Variants in ACVR1C observed in about 807,000 individuals in gnomAD.
The protein encoded by ACVR1C is activin A receptor type 1C, also known as activin receptor type-1C.
In ACVR1C, 23 loss-of-function variants were observed where a neutral mutation model predicts 57.9. The ratio of observed to expected loss-of-function variants is 0.40; its 90% CI spans 0.29 to 0.56. The LOEUF (loss-of-function observed/expected upper bound fraction) is 0.56, where lower values mean the gene tolerates loss of function less well. Ranked by LOEUF, ACVR1C falls within the 20% of genes least tolerant of loss-of-function variation. The probability of loss-of-function intolerance (pLI) is 0.50; values close to 1 mark genes in which losing one functional copy is unlikely to be tolerated. For missense variants in ACVR1C, 480 were observed against 607.9 expected (o/e 0.79, Z 2.21); for synonymous variants, 214 against 215.3 (o/e 0.99, Z 0.05).
intron 4 of ACVR1C, among the ~76,000 whole-genome samples, chr2:157,546,098 T>A (rs1440547831): frequency 6.6e-6 from 1 of 152,172 alleles, no homozygotes; most frequent in Non-Finnish European, 1.5e-5. Context: ...TATTATTTTA[T>A]AATCCAATAA....
intron 1 of ACVR1C, among the ~76,000 whole-genome samples, chr2:157,613,831 T>A (rs1354427675): frequency 6.6e-6 from 1 of 152,246 alleles, no homozygotes; most frequent in African/African-American, 2.4e-5. Context: ...TTCATTGTGA[T>A]GTCTTTACCT....
intron 1 of ACVR1C, among the ~76,000 whole-genome samples, chr2:157,605,248 G>T (rs1682366140): frequency 6.6e-6 from 1 of 151,570 alleles, no homozygotes; most frequent in Non-Finnish European, 1.5e-5. Flanking sequence ...TGATCAATGT[G>T]CCTCTCCTTT....
chr2:157,597,131 G>C (rs1242099172), intron 1 of ACVR1C, among the ~76,000 whole-genome samples: 1 of 152,188 alleles, frequency 6.6e-6, no homozygotes, highest in Non-Finnish European at 1.5e-5. Flanking sequence ...AGACGGTCCA[G>C]ACAGCACCCA....
chr2:157,560,947 A>G (rs1036167798), intron 2 of ACVR1C, among the ~76,000 whole-genome samples: 10 of 152,170 alleles, frequency 6.6e-5, no homozygotes, highest in African/African-American at 2.4e-4. Flanking sequence ...CACATTCCCC[A>G]CTATATTAAA....
rs866524803 is a variant in ACVR1C, at chr2:157,572,245, T to C, written c.304+14942A>G. Among the ~76,000 whole-genome samples, 962 of 136,012 alleles carry C rather than the reference T, an allele frequency of 7.1e-3. 14 individuals are homozygous for C. Among genetic ancestry groups the C allele is most frequent in the African/African-American group, 0.025 (915 of 36,224 alleles). 89.2% of individuals were successfully genotyped at this position (136,012 alleles called of 152,430 possible). On this transcript the variant is annotated intron_variant, in intron 2 of 8. Transcript: ENST00000243349. ...GTCGGGGGAGGGGGGAGGGATAGCA[T>C]TGGGAGATATACCTAATGCTAGATG... is the stretch of plus-strand genomic sequence containing the variant.
At position 157,533,096 on chromosome 2, in the gene ACVR1C, A is replaced by C. The variant is rs1213416964; in HGVS notation, c.*822T>G. On this transcript the variant is annotated 3_prime_UTR_variant, in exon 9 of 9. Coordinates refer to ENST00000243349, the MANE Select transcript of ACVR1C (RefSeq NM_145259.3). Reference sequence around the variant, plus strand: ...TCAATATGCCTTCTAAACCACAAATATCATAATAAAAGATATTACATAGGG... The same window carrying C: ...TCAATATGCCTTCTAAACCACAAATCTCATAATAAAAGATATTACATAGGG... 1 of 152,186 alleles carries C rather than the reference A, an allele frequency of 6.6e-6. No individual in the cohort carries two copies. The highest frequency in any genetic ancestry group is 2.1e-4 in the South Asian group (1 of 4,828). 9.4% of individuals were successfully genotyped at this position (152,186 alleles called of 1,614,324 possible). A position where few individuals can be genotyped will look rare whatever the true frequency, so the allele number is the denominator to read the frequency against.
At chr2:157,564,709 T>A (rs1190277372) in intron 2 of ACVR1C, among the ~76,000 whole-genome samples, 1 of 152,104 alleles carries the variant, frequency 6.6e-6, no homozygotes, top group African/African-American at 2.4e-5. Flanking sequence ...CCAACCCCAA[T>A]GCCCATCAAT....
At chr2:157,560,726 T>G (rs1441267685) in intron 2 of ACVR1C, among the ~76,000 whole-genome samples, 5 of 152,236 alleles carry the variant, frequency 3.3e-5, no homozygotes, top group Non-Finnish European at 7.3e-5. Flanking sequence ...CTTTGTTCTC[T>G]GAAATGCACC....
At chr2:157,618,202 T>C (rs1247988471) in intron 1 of ACVR1C, among the ~76,000 whole-genome samples, 1 of 151,812 alleles carries the variant, frequency 6.6e-6, no homozygotes, top group Non-Finnish European at 1.5e-5. Context: ...CATATGAGAT[T>C]AATAGCACAA....
chr2:157,579,260 T>A (rs1003270883), intron 2 of ACVR1C, among the ~76,000 whole-genome samples: 3 of 152,214 alleles, frequency 2.0e-5, no homozygotes, highest in African/African-American at 7.2e-5. Flanking sequence ...TGAAAGCATG[T>A]GTTAACTCTT....
At chr2:157,609,963 T>C (rs2105147492) in intron 1 of ACVR1C, among the ~76,000 whole-genome samples, 1 of 152,086 alleles carries the variant, frequency 6.6e-6, no homozygotes, top group East Asian at 1.9e-4. Context: ...TTCAAGGTCA[T>C]TATTGATATG....
chr2:157,579,781 A>G (rs1361085711), intron 2 of ACVR1C, among the ~76,000 whole-genome samples: 1 of 152,156 alleles, frequency 6.6e-6, no homozygotes, highest in African/African-American at 2.4e-5. Context: ...TTCTTGTCAT[A>G]TGAGTCACTG....
chr2:157,556,226 C>T lies in ACVR1C; in HGVS notation c.411G>A (p.Gln137=), dbSNP rs1398282070. 5.6e-6 allele frequency: 9 copies of T among 1,613,990 alleles called. No homozygotes were observed. In the South Asian group the frequency reaches 9.9e-5, roughly 18 times the overall value. Residue 137 remains glutamine, a synonymous_variant, in exon 3 of 9, where the codon CAG becomes CAA. Coordinates refer to ENST00000243349, the MANE Select transcript of ACVR1C (RefSeq NM_145259.3). ...TCTTCCTGTAGGAGCACTGTCGACC[C>T]TGGCATGCCCATACTGTCAGCATCG... ...IAAMLTVWAC[Q]GRQCSYRKKK...
chr2:157,574,010 A>G lies in ACVR1C; in HGVS notation c.304+13177T>C, dbSNP rs147456364. On this transcript the variant is annotated intron_variant, in intron 2 of 8. Coordinates refer to ENST00000243349, the MANE Select transcript of ACVR1C (RefSeq NM_145259.3). ...ACATCATGAATGAATGAAATAAATA[A>G]GAAAAGCCCATGCCCGACACAGAAG... 9.3e-3 allele frequency among the ~76,000 whole-genome samples: 1,410 copies of G among 152,358 alleles called. 9 individuals are homozygous for G. The highest frequency in any genetic ancestry group is 0.037 in the South Asian group (177 of 4,826).
intron 8 of ACVR1C, among the ~76,000 whole-genome samples, chr2:157,537,850 T>C (rs1275897436): frequency 6.6e-6 from 1 of 152,210 alleles, no homozygotes; most frequent in African/African-American, 2.4e-5. Context: ...TAACAAGCAT[T>C]GCAATAACCA....
Position 157,530,680 on chromosome 2 carries a change from T to C in ACVR1C, c.*3238A>G, listed in dbSNP as rs1022069120. ...ATGGAAATTTAAAATGCAAAGTTAATTGAAAGTATAAAGATGAAAAGCAAG... is the reference window on the plus strand; with the variant it reads ...ATGGAAATTTAAAATGCAAAGTTAACTGAAAGTATAAAGATGAAAAGCAAG... On this transcript the variant is annotated 3_prime_UTR_variant, in exon 9 of 9. Coordinates refer to ENST00000243349, the MANE Select transcript of ACVR1C (RefSeq NM_145259.3). The C allele has an allele frequency of 2.0e-5, 3 of 152,074 alleles. No individual in the cohort carries two copies. Among genetic ancestry groups the C allele is most frequent in the Admixed American group, 6.6e-5 (1 of 15,238 alleles). The allele number at this position is 152,074 out of a possible 1,614,324, so 9.4% of individuals were successfully genotyped here.
At chr2:157,548,844 T>C (rs1049963870) in intron 4 of ACVR1C, among the ~76,000 whole-genome samples, 5 of 152,194 alleles carry the variant, frequency 3.3e-5, no homozygotes, top group African/African-American at 1.2e-4. Flanking sequence ...GTAACATTAA[T>C]AGAAAAGTTC....
chr2:157,538,458 A>T (rs1687538901), intron 8 of ACVR1C, 115 bp downstream of exon 8: 3 of 1,003,722 alleles, frequency 3.0e-6, no homozygotes, highest in Admixed American at 3.1e-5. Context: ...TTATAAAAAG[A>T]CGTATGTCTA....
chr2:157,602,699 C>A (rs1380177052), intron 1 of ACVR1C, among the ~76,000 whole-genome samples: 1 of 151,988 alleles, frequency 6.6e-6, no homozygotes, highest in African/African-American at 2.4e-5. Flanking sequence ...GGAACTTGTT[C>A]ACTATAAATA....
Sources: allele counts gnomAD v4.1 joint callset (sites outside exome capture counted in the v4.1 genomes callset), GRCh38; gene constraint gnomAD v4.1.1; transcripts MANE v1.5; gene names NCBI Gene and HGNC (gene_info 2026-07-23, HGNC 2026-07-21).